The following APBA1 variants were observed in gnomAD, a reference collection of about 807,000 sequenced individuals.
APBA1 encodes amyloid beta precursor protein binding family A member 1, also known as amyloid-beta A4 precursor protein-binding family A member 1.
In APBA1, 55 loss-of-function variants were observed where a neutral mutation model predicts 86.6. That is an observed-to-expected ratio of 0.64 (90% confidence interval 0.51 to 0.80). APBA1 has a LOEUF of 0.80. APBA1 is among the 30% of genes least tolerant of loss of function. APBA1 has a pLI of 0.00. For missense variants in APBA1, 1,090 were observed against 1,183.0 expected (o/e 0.92, Z 1.15); for synonymous variants, 511 against 493.9 (o/e 1.03, Z -0.46).
chr9:69,657,377 G>A (rs1039790231), intron 1 of APBA1, among the ~76,000 whole-genome samples: 4 of 152,208 alleles, frequency 2.6e-5, no homozygotes, highest in Non-Finnish European at 4.4e-5. Flanking sequence ...TTATTACTTA[G>A]GTTTCTGTTT....
chr9:69,542,378 T>C (rs1836626903), intron 1 of APBA1, among the ~76,000 whole-genome samples: 1 of 152,248 alleles, frequency 6.6e-6, no homozygotes, highest in Non-Finnish European at 1.5e-5. Flanking sequence ...CCATACAGAA[T>C]AGTTTCACTG....
chr9:69,666,110 G>A (rs1175945223), intron 1 of APBA1, among the ~76,000 whole-genome samples: 1 of 152,158 alleles, frequency 6.6e-6, no homozygotes, highest in East Asian at 1.9e-4. Context: ...TACAGTAGAT[G>A]GTAATACAGC....
At chr9:69,553,262 T>C (rs1443244068) in intron 1 of APBA1, among the ~76,000 whole-genome samples, 1 of 152,220 alleles carries the variant, frequency 6.6e-6, no homozygotes, top group Non-Finnish European at 1.5e-5. Context: ...AATGTACAAT[T>C]TGATGAATGT....
chr9:69,556,368 A>ATCTTGG (rs1836859970), intron 1 of APBA1, among the ~76,000 whole-genome samples: 1 of 152,070 alleles, frequency 6.6e-6, no homozygotes, highest in Non-Finnish European at 1.5e-5. Context: ...CAAGTATAAG[A>ATCTTGG]AGGCAGAGAG....
chr9:69,639,624 T>C (rs958577191), intron 1 of APBA1, among the ~76,000 whole-genome samples: 4 of 152,200 alleles, frequency 2.6e-5, no homozygotes, highest in African/African-American at 9.6e-5. Context: ...AAGTCAATAG[T>C]AACAATAAAA....
intron 1 of APBA1, among the ~76,000 whole-genome samples, chr9:69,666,556 C>CA (rs1823844149): frequency 6.6e-6 from 1 of 152,100 alleles, no homozygotes; most frequent in Non-Finnish European, 1.5e-5. Context: ...ATATTCCTTG[C>CA]ACCTAGAATA....
intron 1 of APBA1, among the ~76,000 whole-genome samples, chr9:69,545,402 C>T (rs1415780093): frequency 6.6e-6 from 1 of 152,198 alleles, no homozygotes; most frequent in African/African-American, 2.4e-5. Context: ...TAAGACACTT[C>T]CCAATTCTTT....
intron 1 of APBA1, among the ~76,000 whole-genome samples, chr9:69,591,448 T>G (rs79152119): frequency 6.6e-6 from 1 of 152,252 alleles, no homozygotes; most frequent in Non-Finnish European, 1.5e-5. Context: ...CCACTTCTTC[T>G]GAATGCTCAA....
In APBA1 at chr9:69,624,547, T is replaced by C. The variant is rs930837586; in HGVS notation, c.-70+47606A>G. Among the ~76,000 whole-genome samples, 6 of 152,162 alleles carry C rather than the reference T, an allele frequency of 3.9e-5. No individual in the cohort carries two copies. The South Asian group carries it at 1.0e-3, about 26-fold the overall frequency. On this transcript the variant is annotated intron_variant, in intron 1 of 12. Transcript: ENST00000265381. ...CACCTCCACCATGACTCCACAGAGC[T>C]TGGGTGAGGTGCCCAGCAGGTCAAA...
chr9:69,510,885 C>A (rs1195340258), intron 2 of APBA1, among the ~76,000 whole-genome samples: 1 of 145,482 alleles, frequency 6.9e-6, no homozygotes, highest in Non-Finnish European at 1.5e-5. Flanking sequence ...AAAGCTGAAA[C>A]TGGATCCCTT....
chr9:69,460,250 C>T (rs1041743352), intron 5 of APBA1, among the ~76,000 whole-genome samples: 40 of 152,266 alleles, frequency 2.6e-4, no homozygotes, highest in African/African-American at 7.9e-4. Context: ...TCTTACTGGT[C>T]GCCATGAGTT....
At chr9:69,564,700 T>C (rs1836998230) in intron 1 of APBA1, among the ~76,000 whole-genome samples, 1 of 152,120 alleles carries the variant, frequency 6.6e-6, no homozygotes, top group South Asian at 2.1e-4. Flanking sequence ...TGTGGAGAAA[T>C]TGGCACCCTT....
intron 2 of APBA1, among the ~76,000 whole-genome samples, chr9:69,490,848 GA>G: frequency 6.6e-6 from 1 of 152,086 alleles, no homozygotes; most frequent in Non-Finnish European, 1.5e-5. Flanking sequence ...AAAGACACAT[GA>G]AAAAATGCTC....
chr9:69,505,834 A>G (rs1042274603), intron 2 of APBA1, among the ~76,000 whole-genome samples: 2 of 151,988 alleles, frequency 1.3e-5, no homozygotes, highest in Non-Finnish European at 2.9e-5. Flanking sequence ...CCTGGCCAAT[A>G]TGGCAAAACC....
intron 1 of APBA1, among the ~76,000 whole-genome samples, chr9:69,561,871 C>A (rs1836950999): frequency 6.6e-6 from 1 of 152,110 alleles, no homozygotes; most frequent in African/African-American, 2.4e-5. Flanking sequence ...AGGTGATCCG[C>A]CCATCTCGGT....
intron 2 of APBA1, among the ~76,000 whole-genome samples, chr9:69,506,307 GGACA>G (rs892893547): frequency 2.1e-4 from 32 of 149,574 alleles, no homozygotes; most frequent in African/African-American, 7.4e-4. Context: ...AAGGGGTGAC[GGACA>G]CACCTGGAAA....
At chr9:69,475,921 AT>A (rs1835437173) in intron 3 of APBA1, 126 bp downstream of exon 3, 4 of 760,016 alleles carry the variant, frequency 5.3e-6, no homozygotes, top group African/African-American at 1.7e-5. Flanking sequence ...GAGAGGAGAA[AT>A]CAGGATTGTT....
chr9:69,604,064 T>C (rs1194703346), intron 1 of APBA1, among the ~76,000 whole-genome samples: 1 of 152,190 alleles, frequency 6.6e-6, no homozygotes, highest in African/African-American at 2.4e-5. Context: ...TAAAAACAAA[T>C]CTGGAAACGC....
chr9:69,658,330 C>CTTTCTTTCTTTCTTTA (rs1823677891), intron 1 of APBA1, among the ~76,000 whole-genome samples: 2 of 137,816 alleles, frequency 1.5e-5, no homozygotes, highest in Non-Finnish European at 3.2e-5. Context: ...TTCTTTCTTT[C>CTTTCTTTCTTTCTTTA]TTTCTTTCTT....
Sources: allele counts gnomAD v4.1 joint callset (sites outside exome capture counted in the v4.1 genomes callset), GRCh38; gene constraint gnomAD v4.1.1; transcripts MANE v1.5; gene names NCBI Gene and HGNC (gene_info 2026-07-23, HGNC 2026-07-21).